ATP5F1B: variants seen among roughly 807,000 people sequenced by gnomAD.
The protein encoded by ATP5F1B is ATP synthase F1 subunit beta.
A neutral mutation model predicts 45.9 loss-of-function variants in ATP5F1B; 17 were observed. That is an observed-to-expected ratio of 0.37 (90% confidence interval 0.25 to 0.56). The LOEUF is 0.56. Among genes scored for constraint, ATP5F1B ranks in the 20% least tolerant of loss-of-function variants. The probability of loss-of-function intolerance (pLI) is 0.80; values close to 1 mark genes in which losing one functional copy is unlikely to be tolerated. For synonymous variants in ATP5F1B, 218 were observed against 256.5 expected (o/e 0.85, Z 1.43); for missense variants, 387 against 673.2 (o/e 0.57, Z 4.70).
intron 9 of ATP5F1B, 132 bp from the exon 10 acceptor site, chr12:56,638,555 A>C: frequency 1.4e-6 from 1 of 725,648 alleles, no homozygotes. Flanking sequence ...TAGAAAGCTT[A>C]AATTTCCCTC....
intron 6 of ATP5F1B, 37 bp downstream of exon 6, chr12:56,642,636 C>T: frequency 1.5e-5 from 24 of 1,613,954 alleles, no homozygotes; most frequent in Non-Finnish European, 1.9e-5. Flanking sequence ...CGAAGAAAGG[C>T]CAGATGAACC....
chr12:56,638,258 C>T lies in ATP5F1B; in HGVS notation c.*65G>A, dbSNP rs1160604851. ...TCAATCAAGGCTCTTGTGCAGCCTA[C>T]ACAGAAAAATGAAGCTTTTTGGGTT... On this transcript the variant is annotated 3_prime_UTR_variant, in exon 10 of 10. Transcript: ENST00000262030. The T allele has an allele frequency of 2.2e-6, 3 of 1,377,458 alleles. No homozygotes were observed. Among genetic ancestry groups the T allele is most frequent in the South Asian group, 2.4e-5 (2 of 83,418 alleles). 85.3% of individuals were successfully genotyped at this position (1,377,458 alleles called of 1,614,324 possible).
intron 9 of ATP5F1B, among the ~76,000 whole-genome samples, chr12:56,638,848 A>AT (rs1951491430): frequency 6.6e-6 from 1 of 152,198 alleles, no homozygotes; most frequent in African/African-American, 2.4e-5. Flanking sequence ...GTGAGCCAAG[A>AT]TTGCACCAGT....
At chr12:56,640,825 T>C (rs1439884660) in intron 7 of ATP5F1B, among the ~76,000 whole-genome samples, 1 of 144,568 alleles carries the variant, frequency 6.9e-6, no homozygotes, top group Admixed American at 7.0e-5. Flanking sequence ...GGAGGGCAGA[T>C]CACGAGGTCA....
In ATP5F1B at chr12:56,642,424, C is replaced by CA. The variant is rs772276020; in HGVS notation, c.1074+33dup. On this transcript the variant is annotated intron_variant, in intron 7 of 9. Coordinates refer to ENST00000262030, the MANE Select transcript of ATP5F1B (RefSeq NM_001686.4). ...TGCACCACTGCACCCTGCCTTTATA[C>CA]AAATCAGATCTTCATCTATGTAATT... The CA allele has an allele frequency of 5.6e-6, 9 of 1,611,936 alleles. No homozygotes were observed. The Admixed American group carries it at 1.0e-4, about 18-fold the overall frequency.
rs200568028 is a variant in ATP5F1B, at chr12:56,645,929, G to A, written c.35C>T (p.Pro12Leu). The change falls in exon 1 of 10, where the codon CCG becomes CTG. Residue 12 changes from proline (P) to leucine (L), a missense_variant. Transcript: ENST00000262030. ...LGFVGRVAAA[P>L]ASGALRRLTP... Reference sequence around the variant, plus strand: ...GAGTCTCCGCAAGGCCCCGGAGGCCGGAGCAGCGGCCACCCGACCCACAAA... The same window carrying A: ...GAGTCTCCGCAAGGCCCCGGAGGCCAGAGCAGCGGCCACCCGACCCACAAA... 8.7e-5 allele frequency: 139 copies of A among 1,606,754 alleles called. No homozygotes were observed. In the East Asian group the frequency reaches 1.1e-3, roughly 13 times the overall value.
At position 56,642,717 on chromosome 12, in the gene ATP5F1B, G is replaced by C; in HGVS notation, c.907C>G (p.Leu303Val). The C allele has an allele frequency of 6.2e-7, 1 of 1,614,178 alleles. No homozygotes were observed. Residue 303 changes from leucine to valine, a missense_variant, in exon 6 of 10, where the codon CTA becomes GTA. Physicochemically the swap from Leu to Val is conservative, Grantham distance 32. This residue lies in a region of ATP5F1B where 154 missense variants were observed against 361.4 expected (regional missense o/e 0.43). Coordinates refer to ENST00000262030, the MANE Select transcript of ATP5F1B (RefSeq NM_001686.4). The part of the protein sequence containing the change: ...FRDQEGQDVL[L>V]FIDNIFRFTQ... The stretch of plus-strand genomic sequence containing the variant: ...AAGCGAAAGATGTTATCAATAAATA[G>C]CAGTACATCTTGACCTTCTTGGTCT...
chr12:56,645,225 G>C lies in ATP5F1B; in HGVS notation c.256C>G (p.Leu86Val), dbSNP rs1416149862. 3.7e-6 allele frequency: 6 copies of C among 1,614,110 alleles called. No individual in the cohort carries two copies. The Admixed American group carries it at 6.7e-5, about 18-fold the overall frequency. The change falls in exon 2 of 10, where the codon CTG becomes GTG. Residue 86 changes from leucine (L) to valine (V), a missense_variant. This residue lies in a region of ATP5F1B where 113 missense variants were observed against 168.0 expected (regional missense o/e 0.67). Coordinates refer to ENST00000262030, the MANE Select transcript of ATP5F1B (RefSeq NM_001686.4). ...CTGGTCTCCCTGCCTTGCACTTCCA[G>C]GGCATTTAGAATTGGTGGTAGTCCC... ...DEGLPPILNALEVQGRETRLV... is the reference protein window; with the variant it reads ...DEGLPPILNAVEVQGRETRLV...
chr12:56,645,656 C>T (rs1376447157), intron 1 of ATP5F1B, among the ~76,000 whole-genome samples, 181 bp downstream of exon 1: 2 of 152,246 alleles, frequency 1.3e-5, no homozygotes, highest in Non-Finnish European at 2.9e-5. Flanking sequence ...TGGGACAGAG[C>T]TGGGTCGAAG....
intron 4 of ATP5F1B, 23 bp from the exon 5 acceptor site, chr12:56,643,610 AAT>A: frequency 6.2e-6 from 10 of 1,612,974 alleles, no homozygotes; most frequent in Non-Finnish European, 6.8e-6. Context: ...GAAAAGAAAG[AAT>A]ATTTAAGAGT....
chr12:56,644,883 G>C lies in ATP5F1B; in HGVS notation c.383C>G (p.Ser128Cys), dbSNP rs767727598. 6.2e-7 allele frequency: 1 copy of C among 1,614,200 alleles called. No individual in the cohort carries two copies. Among genetic ancestry groups the C allele is most frequent in the South Asian group, 1.1e-5 (1 of 91,092 alleles). ...GLVRGQKVLD[S>C]GAPIKIPVGP... Reference sequence around the variant, plus strand: ...AACAGGAATTTTGATTGGTGCACCAGAATCCAGTACTTTCTGGCCTCTAAC... The same window carrying C: ...AACAGGAATTTTGATTGGTGCACCACAATCCAGTACTTTCTGGCCTCTAAC... Residue 128 changes from serine (S) to cysteine (C), a missense_variant, in exon 3 of 10, where the codon TCT becomes TGT. Transcript: ENST00000262030.
chr12:56,643,353 T>G (rs374598961), intron 5 of ATP5F1B, 50 bp downstream of exon 5: 1 of 1,484,692 alleles, frequency 6.7e-7, no homozygotes, highest in Non-Finnish European at 9.1e-7. Context: ...CAGTTGGCAA[T>G]AGTTTCCTGG....
At chr12:56,645,071 A>G (rs759596017) in intron 2 of ATP5F1B, 100 bp downstream of exon 2, 3 of 1,606,998 alleles carry the variant, frequency 1.9e-6, no homozygotes, top group South Asian at 1.1e-5. Flanking sequence ...CAGAAGAACG[A>G]AAGTCATTTT....
chr12:56,639,986 G>A lies in ATP5F1B; in HGVS notation c.1281C>T (p.Ile427=). 1 of 1,613,834 alleles carries A rather than the reference G, an allele frequency of 6.2e-7. No individual in the cohort carries two copies. The highest frequency in any genetic ancestry group is 8.5e-7 in the Non-Finnish European group (1 of 1,179,948). The change falls in exon 8 of 10, where the codon ATC becomes ATT. Residue 427 remains isoleucine (I), a synonymous_variant. Coordinates refer to ENST00000262030, the MANE Select transcript of ATP5F1B (RefSeq NM_001686.4). ...CACATAGTAATATACTCACCTGCAG[G>A]ATCTTTTGCACCCCACGGGCAACAT... The part of the protein sequence containing the change: ...HYDVARGVQK[I]LQDYKSLQDI...
At position 56,644,799 on chromosome 12, in the gene ATP5F1B, C is replaced by A; in HGVS notation, c.467G>T (p.Gly156Val). 6.2e-7 allele frequency: 1 copy of A among 1,613,234 alleles called. No homozygotes were observed. Among genetic ancestry groups the A allele is most frequent in the Non-Finnish European group, 8.5e-7 (1 of 1,179,474 alleles). The change falls in exon 3 of 10, where the codon GGT becomes GTT. Residue 156 changes from glycine (G) to valine (V), a missense_variant. Gly to Val is a moderately radical substitution (Grantham distance 109). Around this residue, in one of 6 missense-constraint regions of ATP5F1B, gnomAD observed 113 missense variants for 168.0 expected, o/e 0.67. Coordinates refer to ENST00000262030, the MANE Select transcript of ATP5F1B (RefSeq NM_001686.4). ...NVIGEPIDER[G>V]PIKTKQFAPI... ...AACTTACTGTTTGGTTTTGATGGGACCTCTTTCATCAATAGGTTCTCCAAT... is the reference window on the plus strand; with the variant it reads ...AACTTACTGTTTGGTTTTGATGGGAACTCTTTCATCAATAGGTTCTCCAAT...
chr12:56,639,642 G>A (rs765163058), intron 8 of ATP5F1B, among the ~76,000 whole-genome samples: 5 of 151,780 alleles, frequency 3.3e-5, no homozygotes, highest in East Asian at 3.9e-4. Context: ...ATGGTGGCGC[G>A]CACCTGTAAT....
At chr12:56,644,991 G>C (rs1396917982) in intron 2 of ATP5F1B, 36 bp from the exon 3 acceptor site, 7 of 1,614,032 alleles carry the variant, frequency 4.3e-6, no homozygotes, top group Non-Finnish European at 5.9e-6. Flanking sequence ...TATACATAAG[G>C]ATAAATTGGT....
rs1951503289 is a variant in ATP5F1B at position 56,640,402 on chromosome 12, G to C, written c.1075-210C>G. ...ATCACCACACCCGGCTAATTTTTTT[G>C]TATTTTTAGTAGAGACGGGGTTTCA... On this transcript the variant is annotated intron_variant, in intron 7 of 9. Coordinates refer to ENST00000262030, the MANE Select transcript of ATP5F1B (RefSeq NM_001686.4). Among the ~76,000 whole-genome samples the C allele has an allele frequency of 2.0e-5, 3 of 151,940 alleles. No individual in the cohort carries two copies. In the South Asian group the frequency reaches 6.2e-4, roughly 32 times the overall value.
intron 8 of ATP5F1B, 23 bp from the exon 9 acceptor site, chr12:56,639,330 G>T (rs1043838413): frequency 1.3e-6 from 2 of 1,592,954 alleles, no homozygotes; most frequent in South Asian, 2.2e-5. Context: ...AGAAGACTGA[G>T]TTAAGTATTC....
Sources: gnomAD v4.1 joint callset for allele counts (sites outside exome capture counted in the v4.1 genomes callset) on GRCh38, gnomAD v4.1.1 for gene constraint, gnomAD v4.1.1 regional missense constraint, MANE v1.5 for transcripts, NCBI Gene and HGNC (gene_info 2026-07-23, HGNC 2026-07-21) for gene names.